ACAA1: variants seen among roughly 807,000 people sequenced by gnomAD.
ACAA1 encodes the protein acetyl-CoA acyltransferase 1, also known as 3-ketoacyl-CoA thiolase, peroxisomal.
ACAA1 carries 44 observed loss-of-function variants against 48.8 expected under a neutral mutation model. That is an observed-to-expected ratio of 0.90 (90% CI 0.71 to 1.16). The LOEUF is 1.16. ACAA1 is among the 50% of genes most tolerant of loss of function. The pLI is 0.00. For synonymous variants in ACAA1, 233 were observed against 226.5 expected, an observed-to-expected ratio of 1.03 and a Z score of -0.26; for missense variants, 512 against 562.3, an observed-to-expected ratio of 0.91 and a Z score of 0.90.
At chr3:38,134,090 G>T in intron 2 of ACAA1, 81 bp from the exon 3 acceptor site, 1 of 1,374,826 alleles carries the variant, frequency 7.3e-7, no homozygotes, top group Non-Finnish European at 1.0e-6. Flanking sequence ...CAGAGATGAG[G>T]CATTCCAGAT....
chr3:38,132,117 A>G, intron 3 of ACAA1, 112 bp from the exon 4 acceptor site: 1 of 921,144 alleles, frequency 1.1e-6, no homozygotes, highest in Non-Finnish European at 1.7e-6. Flanking sequence ...AGGGCAGGGG[A>G]ACAAACCCAG....
At position 38,126,094 on chromosome 3, in the gene ACAA1, G is replaced by A. The variant is rs1334600378; in HGVS notation, c.997+68C>T. 3.2e-6 allele frequency: 5 copies of A among 1,559,960 alleles called. No homozygotes were observed. Among genetic ancestry groups the A allele is most frequent in the Non-Finnish European group, 4.4e-6 (5 of 1,145,442 alleles). On this transcript the variant is annotated intron_variant, in intron 9 of 11. Transcript: ENST00000333167. The surrounding 1 kb of genome is among the most constrained non-coding windows in gnomAD (Gnocchi z 4.7). The stretch of plus-strand genomic sequence containing the variant: ...CCACAGGACCACCCTCATGCCCCTG[G>A]CAACAGCATGCAGGGCAGCTGCAGG...
At position 38,129,493 on chromosome 3, in the gene ACAA1, C is replaced by A; in HGVS notation, c.447-105G>T. 1 of 903,790 alleles carries A rather than the reference C, an allele frequency of 1.1e-6. No individual in the cohort carries two copies. The highest frequency in any genetic ancestry group is 1.7e-6 in the Non-Finnish European group (1 of 592,882). The allele number at this position is 903,790 out of a possible 1,614,324, so 56.0% of individuals were successfully genotyped here. On this transcript the variant is annotated intron_variant, in intron 5 of 11. Coordinates refer to ENST00000333167, the MANE Select transcript of ACAA1 (RefSeq NM_001607.4). The surrounding 1 kb of genome is among the most constrained non-coding windows in gnomAD (Gnocchi z 5.3). ...CAAGTGCTAGGAAATAGCCAGGGAG[C>A]CCTAGGAAGACCAGTGGGCCTCTGG...
At chr3:38,128,913 T>C (rs1039784782) in intron 6 of ACAA1, among the ~76,000 whole-genome samples, 4 of 152,186 alleles carry the variant, frequency 2.6e-5, no homozygotes, top group Admixed American at 2.0e-4. Context: ...CTTTTCTTGT[T>C]GCACCTGACA....
intron 4 of ACAA1, 51 bp from the exon 5 acceptor site, chr3:38,131,689 GGAA>G (rs1490335020): frequency 4.3e-5 from 68 of 1,589,438 alleles, no homozygotes; most frequent in Non-Finnish European, 5.7e-5. Flanking sequence ...CACCTGTTCT[GGAA>G]GCAGTGGAGC....
At position 38,137,030 on chromosome 3, in the gene ACAA1, C is replaced by T. The variant is rs759096151; in HGVS notation, c.6G>A (p.Gln2=). Residue 2 remains glutamine, a synonymous_variant, in exon 1 of 12, where the codon CAG becomes CAA. Transcript: ENST00000333167. ...GGTGGCCCAGCACTACCTGCAGCCT[C>T]TGCATTGCGCAGGTCAACCCTGCAG... M[Q]RLQVVLGHLR... is the part of the protein sequence containing the mutation. 46 of 1,564,148 alleles carry T rather than the reference C, an allele frequency of 2.9e-5. No individual in the cohort carries two copies. The highest frequency in any genetic ancestry group is 3.8e-5 in the Non-Finnish European group (44 of 1,157,300).
At chr3:38,136,131 C>T (rs1324794248) in intron 2 of ACAA1, among the ~76,000 whole-genome samples, 2 of 152,332 alleles carry the variant, frequency 1.3e-5, no homozygotes, top group East Asian at 3.9e-4. Flanking sequence ...TGATTCAATA[C>T]AGCACATGTT....
At position 38,133,990 on chromosome 3, in the gene ACAA1, C is replaced by A. The variant is rs1373727714; in HGVS notation, c.285G>T (p.Gly95=). The part of the protein sequence containing the change: ...DICVGNVLQP[G]AGAIMARIAQ... ...CGATTCGGGCCATGATTGCCCCGGC[C>A]CCAGGCTGCAGCACATTTCCTGTGG... Residue 95 remains glycine (G), a synonymous_variant, in exon 3 of 12, where the codon GGG becomes GGT. Transcript: ENST00000333167. 1.2e-6 allele frequency: 2 copies of A among 1,613,922 alleles called. No individual in the cohort carries two copies. Among genetic ancestry groups the A allele is most frequent in the African/African-American group, 2.7e-5 (2 of 74,906 alleles).
At chr3:38,136,712 A>AC (rs766926501) in intron 1 of ACAA1, 27 bp from the exon 2 acceptor site, 26 of 1,582,860 alleles carry the variant, frequency 1.6e-5, no homozygotes, top group East Asian at 6.9e-5. Flanking sequence ...AGCCGCAGTG[A>AC]CCCCCACTCC....
In ACAA1 at chr3:38,126,640, C is replaced by T. The variant is rs771110680; in HGVS notation, c.687G>A (p.Thr229=). 4 of 1,614,022 alleles carry T rather than the reference C, an allele frequency of 2.5e-6. No homozygotes were observed. Among genetic ancestry groups the T allele is most frequent in the African/African-American group, 2.7e-5 (2 of 74,908 alleles). The stretch of plus-strand genomic sequence containing the variant: ...TCTTGGTGCCCTTGTCATCATGGAC[C>T]GTGGTGGTCACAGGCACAATCTCAG... ...FQAEIVPVTT[T]VHDDKGTKRS... is the part of the protein sequence containing the mutation. The change falls in exon 8 of 12, where the codon ACG becomes ACA. Residue 229 remains threonine, a synonymous_variant. Coordinates refer to ENST00000333167, the MANE Select transcript of ACAA1 (RefSeq NM_001607.4). The surrounding 1 kb of genome is among the most constrained non-coding windows in gnomAD (Gnocchi z 4.7).
chr3:38,133,795 A>T, intron 3 of ACAA1, 157 bp downstream of exon 3: 1 of 687,234 alleles, frequency 1.5e-6, no homozygotes, highest in Non-Finnish European at 2.6e-6. Context: ...AAAGTAGGGG[A>T]GAGGTTGAGT....
chr3:38,136,500 C>A, intron 2 of ACAA1, 92 bp downstream of exon 2: 2 of 1,398,468 alleles, frequency 1.4e-6, no homozygotes, highest in East Asian at 2.3e-5. Flanking sequence ...GGAGGTTCCC[C>A]CAGTGAAAAT....
chr3:38,126,376 G>A lies in ACAA1; in HGVS notation c.818-35C>T, dbSNP rs1414671221. ...AACTGTTGGGGTAAGAAGGCATCGG[G>A]GTGGGGATGAGGAGATCCCAGCCCT... On this transcript the variant is annotated intron_variant, in intron 8 of 11. Coordinates refer to ENST00000333167, the MANE Select transcript of ACAA1 (RefSeq NM_001607.4). This position sits in a 1 kb window ranked among gnomAD's most constrained non-coding sequence, Gnocchi z 4.7. 1.2e-6 allele frequency: 2 copies of A among 1,608,388 alleles called. No individual in the cohort carries two copies. The highest frequency in any genetic ancestry group is 1.3e-5 in the African/African-American group (1 of 74,784).
chr3:38,132,035 GC>G (rs750371562), intron 3 of ACAA1, 30 bp from the exon 4 acceptor site: 5 of 1,586,952 alleles, frequency 3.2e-6, no homozygotes, highest in Non-Finnish European at 4.3e-6. Context: ...AGTAGAATCA[GC>G]CCCCAATTCC....
In ACAA1 at chr3:38,125,728, A is replaced by G. The variant is rs1427767025; in HGVS notation, c.1054-18T>C. The G allele has an allele frequency of 1.2e-6, 2 of 1,611,978 alleles. No homozygotes were observed. The highest frequency in any genetic ancestry group is 3.3e-5 in the Admixed American group (2 of 59,912). Reference sequence around the variant, plus strand: ...TAGGCAGCCTGGAAGGAGGCAGATCATCACCTATAGCCCTCTTACCCCTCC... The same window carrying G: ...TAGGCAGCCTGGAAGGAGGCAGATCGTCACCTATAGCCCTCTTACCCCTCC... On this transcript the variant is annotated intron_variant, in intron 10 of 11. Coordinates refer to ENST00000333167, the MANE Select transcript of ACAA1 (RefSeq NM_001607.4).
At chr3:38,133,636 A>C (rs1700831042) in intron 3 of ACAA1, 2 of 364,356 alleles carry the variant, frequency 5.5e-6, no homozygotes, top group Non-Finnish European at 1.0e-5. Flanking sequence ...GTCACTTTTC[A>C]GCATTCTTAC....
chr3:38,129,653 C>G lies in ACAA1; in HGVS notation c.447-265G>C, dbSNP rs1181636770. On this transcript the variant is annotated intron_variant, in intron 5 of 11. Transcript: ENST00000333167. This position sits in a 1 kb window ranked among gnomAD's most constrained non-coding sequence, Gnocchi z 5.3. ...GGGCAGGGCTATGCTTCCCTATACACTGCTAAATCAGCCAACTGGCAATTC... is the reference window on the plus strand; with the variant it reads ...GGGCAGGGCTATGCTTCCCTATACAGTGCTAAATCAGCCAACTGGCAATTC... 6.6e-6 allele frequency among the ~76,000 whole-genome samples: 1 copy of G among 152,254 alleles called. No homozygotes were observed. Among genetic ancestry groups the G allele is most frequent in the Non-Finnish European group, 1.5e-5 (1 of 68,038 alleles).
intron 5 of ACAA1, among the ~76,000 whole-genome samples, chr3:38,131,162 G>A (rs1262853862): frequency 6.6e-6 from 1 of 152,186 alleles, no homozygotes; most frequent in African/African-American, 2.4e-5. Flanking sequence ...GTTCCAAGGT[G>A]GGGAGACAAA....
chr3:38,125,437 G>A, intron 11 of ACAA1, 128 bp downstream of exon 11: 1 of 1,192,882 alleles, frequency 8.4e-7, no homozygotes, highest in Non-Finnish European at 1.1e-6. Flanking sequence ...CAACATTTGG[G>A]ATTATGGTGC....
Sources: allele counts gnomAD v4.1 joint callset (sites outside exome capture counted in the v4.1 genomes callset), GRCh38; gene constraint gnomAD v4.1.1; non-coding constraint Gnocchi (gnomAD v3.1); transcripts MANE v1.5; gene names NCBI Gene and HGNC (gene_info 2026-07-23, HGNC 2026-07-21).